Variants in PTPRD observed in about 807,000 individuals in gnomAD.
PTPRD encodes the protein protein tyrosine phosphatase receptor type D.
Under a neutral mutation model 214.5 loss-of-function variants are expected in PTPRD, and 34 were observed. The observed-to-expected ratio is 0.16, with a 90% confidence interval of 0.12 to 0.21. PTPRD has a LOEUF of 0.21. PTPRD is among the 10% of genes least tolerant of loss of function. PTPRD has a pLI of 1.00. For synonymous variants in PTPRD, 1,128 were observed against 845.7 expected (o/e 1.33, Z -5.79); for missense variants, 2,545 against 2,398.7 (o/e 1.06, Z -1.27).
chr9:10,278,804 T>C (rs951834622), intron 3 of PTPRD, among the ~76,000 whole-genome samples: 1 of 150,196 alleles, frequency 6.7e-6, no homozygotes, highest in Non-Finnish European at 1.5e-5. Flanking sequence ...AGATGGAGTC[T>C]CGCTCTGTTG....
intron 5 of PTPRD, among the ~76,000 whole-genome samples, chr9:9,811,503 C>A (rs931451217): frequency 6.6e-6 from 1 of 151,992 alleles, no homozygotes; most frequent in African/African-American, 2.4e-5. Flanking sequence ...GTCAGGAGAT[C>A]GAGACCATCC....
At chr9:9,222,353 C>G (rs1337297873) in intron 9 of PTPRD, among the ~76,000 whole-genome samples, 1 of 151,918 alleles carries the variant, frequency 6.6e-6, no homozygotes, top group Non-Finnish European at 1.5e-5. Context: ...TTAAAAATGG[C>G]ATTATTTTTG....
At chr9:10,122,115 C>T (rs978987625) in intron 3 of PTPRD, among the ~76,000 whole-genome samples, 9 of 152,154 alleles carry the variant, frequency 5.9e-5, no homozygotes, top group Admixed American at 2.0e-4. Flanking sequence ...CAATACCAGC[C>T]TGGCCAACAT....
At chr9:9,997,028 C>T (rs933569587) in intron 4 of PTPRD, among the ~76,000 whole-genome samples, 1 of 152,162 alleles carries the variant, frequency 6.6e-6, no homozygotes, top group African/African-American at 2.4e-5. Flanking sequence ...ATTGAATTTA[C>T]TAGACAAACA....
chr9:9,376,290 G>T (rs1378376464), intron 9 of PTPRD, among the ~76,000 whole-genome samples: 1 of 152,054 alleles, frequency 6.6e-6, no homozygotes, highest in African/African-American at 2.4e-5. Flanking sequence ...GACCACTAAT[G>T]CAAGACTGTT....
intron 11 of PTPRD, among the ~76,000 whole-genome samples, chr9:8,833,136 A>G (rs1439997147): frequency 6.6e-6 from 1 of 152,162 alleles, no homozygotes; most frequent in African/African-American, 2.4e-5. Flanking sequence ...AGAGAGAAAG[A>G]AAAAACATGA....
At position 8,689,866 on chromosome 9, in the gene PTPRD, G is replaced by C. The variant is rs150002452; in HGVS notation, c.64+43914C>G. On this transcript the variant is annotated intron_variant, in intron 12 of 45. Transcript: ENST00000381196. ...TTCATGCCTGTAATCCCAGCACTTTGGAAGGCAAAGGCTTGTGGATCAACT... is the reference window on the plus strand; with the variant it reads ...TTCATGCCTGTAATCCCAGCACTTTCGAAGGCAAAGGCTTGTGGATCAACT... Among the ~76,000 whole-genome samples, 949 of 152,202 alleles carry C rather than the reference G, an allele frequency of 6.2e-3. 27 individuals carry two copies. The highest frequency in any genetic ancestry group is 0.06 in the East Asian group (307 of 5,156).
chr9:9,526,394 G>A (rs895110812), intron 8 of PTPRD, among the ~76,000 whole-genome samples: 1 of 152,056 alleles, frequency 6.6e-6, no homozygotes, highest in Non-Finnish European at 1.5e-5. Context: ...GTATATTAAG[G>A]CCAAAGTGCT....
chr9:8,833,931 C>T (rs1025875546), intron 11 of PTPRD, among the ~76,000 whole-genome samples: 2 of 151,794 alleles, frequency 1.3e-5, no homozygotes, highest in Non-Finnish European at 2.9e-5. Flanking sequence ...AAACACCGGG[C>T]ATTTTAAGAA....
chr9:9,267,018 C>T (rs1940150677), intron 9 of PTPRD, among the ~76,000 whole-genome samples: 1 of 151,088 alleles, frequency 6.6e-6, no homozygotes, highest in Non-Finnish European at 1.5e-5. Context: ...AGTTCATTTT[C>T]TGTAAAGAAA....
chr9:10,538,817 T>A (rs1014497500), intron 2 of PTPRD, among the ~76,000 whole-genome samples: 1 of 152,170 alleles, frequency 6.6e-6, no homozygotes. Flanking sequence ...GATCTTATAA[T>A]TGAAAACCCT....
intron 4 of PTPRD, among the ~76,000 whole-genome samples, chr9:9,974,380 C>T (rs2095273843): frequency 6.6e-6 from 1 of 152,106 alleles, no homozygotes; most frequent in African/African-American, 2.4e-5. Context: ...AAGGAAACTG[C>T]CCATGGGTTC....
chr9:9,582,635 T>A (rs1212628510), intron 7 of PTPRD, among the ~76,000 whole-genome samples: 2 of 152,128 alleles, frequency 1.3e-5, no homozygotes, highest in Non-Finnish European at 2.9e-5. Flanking sequence ...TGAAATTATA[T>A]CTCAATAAAG....
intron 3 of PTPRD, among the ~76,000 whole-genome samples, chr9:10,040,881 C>T (rs1327717680): frequency 6.6e-6 from 1 of 152,048 alleles, no homozygotes; most frequent in Non-Finnish European, 1.5e-5. Context: ...ATTAGATAAT[C>T]TGCTTAAGAG....
chr9:10,478,051 C>A (rs1418374430), intron 2 of PTPRD, among the ~76,000 whole-genome samples: 2 of 151,404 alleles, frequency 1.3e-5, no homozygotes, highest in African/African-American at 4.8e-5. Flanking sequence ...ACCTAGATAA[C>A]AGGTTGATAG....
intron 11 of PTPRD, among the ~76,000 whole-genome samples, chr9:8,780,024 T>C (rs1272469760): frequency 2.0e-5 from 3 of 152,056 alleles, no homozygotes; most frequent in Admixed American, 6.6e-5. Context: ...GAGGGAAAAG[T>C]TAAAGTGTCA....
intron 11 of PTPRD, among the ~76,000 whole-genome samples, chr9:8,762,435 A>G (rs920147698): frequency 1.8e-4 from 28 of 152,316 alleles, no homozygotes; most frequent in African/African-American, 5.3e-4. Flanking sequence ...CAAATCAAAT[A>G]ATAATAAATA....
At chr9:8,739,128 G>A (rs756005458) in intron 11 of PTPRD, among the ~76,000 whole-genome samples, 3 of 152,198 alleles carry the variant, frequency 2.0e-5, no homozygotes, top group Non-Finnish European at 2.9e-5. Flanking sequence ...GGGCTGCTCT[G>A]GCTGAAGCCT....
chr9:9,088,282 C>G (rs978718422), intron 10 of PTPRD, among the ~76,000 whole-genome samples: 5 of 150,930 alleles, frequency 3.3e-5, no homozygotes, highest in Middle Eastern at 3.2e-3. Context: ...AAGGGACAAT[C>G]TTGAACTAAT....
Sources: allele counts gnomAD v4.1 joint callset (sites outside exome capture counted in the v4.1 genomes callset), GRCh38; gene constraint gnomAD v4.1.1; transcripts MANE v1.5; gene names NCBI Gene and HGNC (gene_info 2026-07-23, HGNC 2026-07-21).